PDXK: variants seen among roughly 807,000 people sequenced by gnomAD.
The protein encoded by PDXK is pyridoxal kinase.
Under a neutral mutation model 43.2 loss-of-function variants are expected in PDXK, and 15 were observed. The ratio of observed to expected loss-of-function variants is 0.35; its 90% CI spans 0.23 to 0.53. PDXK has a LOEUF of 0.53. Among genes scored for constraint, PDXK ranks in the 20% least tolerant of loss-of-function variants. The pLI, the probability that PDXK is intolerant of heterozygous loss-of-function variation, is 0.92. For missense variants in PDXK, 343 were observed against 417.0 expected, an observed-to-expected ratio of 0.82 and a Z score of 1.54; for synonymous variants, 172 against 165.4, an observed-to-expected ratio of 1.04 and a Z score of -0.31.
rs886451165 is a variant in PDXK, at chr21:43,754,971, C to T, written c.760-727C>T. 6.6e-6 allele frequency among the ~76,000 whole-genome samples: 1 copy of T among 152,194 alleles called. No individual in the cohort carries two copies. The highest frequency in any genetic ancestry group is 1.5e-5 in the Non-Finnish European group (1 of 68,016). On this transcript the variant is annotated intron_variant, in intron 9 of 10. Coordinates refer to ENST00000291565, the MANE Select transcript of PDXK (RefSeq NM_003681.5). The surrounding 1 kb of genome is among the most constrained non-coding windows in gnomAD (Gnocchi z 5.5). ...GGAATGCACAGCCCCCTCATTCCATCCCTTCTGGCCCCTCAAGGGCAATTA... is the reference window on the plus strand; with the variant it reads ...GGAATGCACAGCCCCCTCATTCCATTCCTTCTGGCCCCTCAAGGGCAATTA...
chr21:43,724,444 G>A (rs757583875), intron 1 of PDXK, among the ~76,000 whole-genome samples: 6 of 152,154 alleles, frequency 3.9e-5, no homozygotes, highest in Non-Finnish European at 8.8e-5. Flanking sequence ...GCATGTGGAC[G>A]CGAGCAGCGA....
intron 2 of PDXK, among the ~76,000 whole-genome samples, chr21:43,739,284 A>G (rs2083454486): frequency 6.6e-6 from 1 of 152,002 alleles, no homozygotes; most frequent in South Asian, 2.1e-4. Context: ...GAGCCTCCCA[A>G]ACTGCTGGGA....
intron 3 of PDXK, 73 bp downstream of exon 3, chr21:43,741,844 G>A (rs2083539020): frequency 2.0e-6 from 2 of 976,934 alleles, no homozygotes; most frequent in Non-Finnish European, 3.2e-6. Context: ...GGGAGGTCCA[G>A]AGCACCCCCG....
Position 43,737,566 on chromosome 21 carries a change from G to C in PDXK, c.142+3443G>C. On this transcript the variant is annotated intron_variant, in intron 2 of 10. Coordinates refer to ENST00000291565, the MANE Select transcript of PDXK (RefSeq NM_003681.5). The surrounding 1 kb of genome is among the most constrained non-coding windows in gnomAD (Gnocchi z 4.8). Reference sequence around the variant, plus strand: ...TCCTGGCTTTCGGAGTGTAGAGCCAGAGGGGATGGGACAGGTGCCCTGCTG... The same window carrying C: ...TCCTGGCTTTCGGAGTGTAGAGCCACAGGGGATGGGACAGGTGCCCTGCTG... 1.0e-6 allele frequency: 1 copy of C among 1,002,930 alleles called. No individual in the cohort carries two copies. Among genetic ancestry groups the C allele is most frequent in the South Asian group, 4.2e-5 (1 of 23,796 alleles). The allele number at this position is 1,002,930 out of a possible 1,614,324, so 62.1% of individuals were successfully genotyped here.
rs1410498654 is a variant in PDXK at position 43,757,005 on chromosome 21, C to T, written c.*942C>T. 1 of 152,374 alleles carries T rather than the reference C, an allele frequency of 6.6e-6. No homozygotes were observed. Among genetic ancestry groups the T allele is most frequent in the Non-Finnish European group, 1.5e-5 (1 of 68,130 alleles). The allele number at this position is 152,374 out of a possible 1,614,324, so 9.4% of individuals were successfully genotyped here. A position where few individuals can be genotyped will look rare whatever the true frequency, so the allele number is the denominator to read the frequency against. On this transcript the variant is annotated 3_prime_UTR_variant, in exon 11 of 11. Transcript: ENST00000291565. ...GGACAGAGGGGTGCCTGCCCCCTGCCCCTGCTGGCACATTTAACCCTTGTC... is the reference window on the plus strand; with the variant it reads ...GGACAGAGGGGTGCCTGCCCCCTGCTCCTGCTGGCACATTTAACCCTTGTC...
At chr21:43,742,954 G>A (rs933832993) in intron 3 of PDXK, among the ~76,000 whole-genome samples, 3 of 152,276 alleles carry the variant, frequency 2.0e-5, no homozygotes, top group Non-Finnish European at 2.9e-5. Context: ...CCTCTCGCCC[G>A]TGGGTTCATT....
rs947856755 is a variant in PDXK at position 43,737,232 on chromosome 21, G to T, written c.142+3109G>T. On this transcript the variant is annotated intron_variant, in intron 2 of 10. Coordinates refer to ENST00000291565, the MANE Select transcript of PDXK (RefSeq NM_003681.5). This position sits in a 1 kb window ranked among gnomAD's most constrained non-coding sequence, Gnocchi z 4.8. ...TGGTTCCCTGACGCCCTTCAGGCTG[G>T]GGGGTGGGAAAGCCGATCCCCCAAG... is the stretch of plus-strand genomic sequence containing the variant. The T allele has an allele frequency of 2.0e-5, 28 of 1,429,480 alleles. No homozygotes were observed. The highest frequency in any genetic ancestry group is 7.6e-5 in the East Asian group (3 of 39,544). The allele number at this position is 1,429,480 out of a possible 1,614,324, so 88.5% of individuals were successfully genotyped here. A position where few individuals can be genotyped will look rare whatever the true frequency, so the allele number is the denominator to read the frequency against.
At chr21:43,724,096 T>A (rs1457660732) in intron 1 of PDXK, among the ~76,000 whole-genome samples, 1 of 152,184 alleles carries the variant, frequency 6.6e-6, no homozygotes, top group Non-Finnish European at 1.5e-5. Context: ...GCTGGCTCCA[T>A]CTGGGGCCTG....
intron 7 of PDXK, among the ~76,000 whole-genome samples, chr21:43,750,890 G>C (rs555613475): frequency 6.6e-6 from 1 of 151,190 alleles, no homozygotes; most frequent in East Asian, 1.9e-4. Flanking sequence ...GTCCATGGGC[G>C]TGTGGGCATG....
At chr21:43,721,600 G>A (rs2083206636) in intron 1 of PDXK, 1 of 152,270 alleles carries the variant, frequency 6.6e-6, no homozygotes, top group Non-Finnish European at 1.5e-5. Context: ...TGAGGGACCT[G>A]GCCCTGGTTT....
intron 6 of PDXK, among the ~76,000 whole-genome samples, chr21:43,750,130 A>G (rs1309441166): frequency 6.6e-6 from 1 of 152,212 alleles, no homozygotes; most frequent in Non-Finnish European, 1.5e-5. Flanking sequence ...CCCCTGAGCC[A>G]TGGGTGGCCC....
At chr21:43,740,063 A>G (rs930887923) in intron 2 of PDXK, among the ~76,000 whole-genome samples, 5 of 151,836 alleles carry the variant, frequency 3.3e-5, no homozygotes, top group African/African-American at 1.2e-4. Context: ...GGTCTCTGGC[A>G]GACCCACCCC....
At chr21:43,736,147 T>G (rs764450690) in intron 2 of PDXK, among the ~76,000 whole-genome samples, 1 of 151,202 alleles carries the variant, frequency 6.6e-6, no homozygotes, top group Non-Finnish European at 1.5e-5. Flanking sequence ...TTGTTCCCCC[T>G]ACCCTCTGTC....
At chr21:43,727,584 G>A (rs1235629905) in intron 1 of PDXK, among the ~76,000 whole-genome samples, 1 of 152,164 alleles carries the variant, frequency 6.6e-6, no homozygotes. Flanking sequence ...CAAGCCTCTG[G>A]GAATGTGGTC....
intron 1 of PDXK, among the ~76,000 whole-genome samples, chr21:43,721,417 A>G (rs2083205452): frequency 1.3e-5 from 2 of 152,260 alleles, no homozygotes; most frequent in Admixed American, 1.3e-4. Context: ...GGCAGAACAT[A>G]GCCTCTGGCT....
At position 43,743,785 on chromosome 21, in the gene PDXK, G is replaced by A. The variant is rs2083588902; in HGVS notation, c.309G>A (p.Gln103=). ...MVVDIVQELK[Q]QNPRLVYVCD... is the part of the protein sequence containing the mutation. ...TGGACATTGTGCAGGAGCTGAAGCA[G>A]CAGAACCCCAGGCTGGTGTACGGTA... Residue 103 remains glutamine (Q), a synonymous_variant, in exon 4 of 11, where the codon CAG becomes CAA. Coordinates refer to ENST00000291565, the MANE Select transcript of PDXK (RefSeq NM_003681.5). 1.9e-6 allele frequency: 3 copies of A among 1,613,472 alleles called. No individual in the cohort carries two copies. The highest frequency in any genetic ancestry group is 2.5e-6 in the Non-Finnish European group (3 of 1,179,632).
rs2083364145 is a variant in PDXK, at chr21:43,734,028, C to T, written c.88-41C>T. The T allele has an allele frequency of 6.2e-7, 1 of 1,604,494 alleles. No homozygotes were observed. On this transcript the variant is annotated intron_variant, in intron 1 of 10. Coordinates refer to ENST00000291565, the MANE Select transcript of PDXK (RefSeq NM_003681.5). This position sits in a 1 kb window ranked among gnomAD's most constrained non-coding sequence, Gnocchi z 5.0. ...TGCTGGGGTTCGTGGGACCCCAGACCTGGCTCTCTTACGCCTACCTGTTCC... is the reference window on the plus strand; with the variant it reads ...TGCTGGGGTTCGTGGGACCCCAGACTTGGCTCTCTTACGCCTACCTGTTCC...
intron 8 of PDXK, 150 bp downstream of exon 8, chr21:43,752,779 G>C: frequency 1.6e-6 from 1 of 610,412 alleles, no homozygotes; most frequent in Non-Finnish European, 3.0e-6. Flanking sequence ...GACTCTCAGG[G>C]ATCAGGTGGG....
intron 1 of PDXK, chr21:43,728,936 T>G (rs975258301): frequency 1.0e-6 from 1 of 985,344 alleles, no homozygotes; most frequent in East Asian, 1.1e-4. Flanking sequence ...CTGGGATTAT[T>G]TTGACCCCCC....
Sources: gnomAD v4.1 joint callset for allele counts (sites outside exome capture counted in the v4.1 genomes callset) on GRCh38, gnomAD v4.1.1 for gene constraint, Gnocchi (gnomAD v3.1) non-coding constraint, MANE v1.5 for transcripts, NCBI Gene and HGNC (gene_info 2026-07-23, HGNC 2026-07-21) for gene names.